Variants in SLC1A4 observed in about 807,000 individuals in gnomAD.
The protein encoded by SLC1A4 is solute carrier family 1 member 4, also known as neutral amino acid transporter A.
SLC1A4 carries 19 observed loss-of-function variants against 37.7 expected under a neutral mutation model. The ratio of observed to expected loss-of-function variants is 0.50; its 90% CI spans 0.35 to 0.74. The LOEUF is 0.74. Ranked by LOEUF, SLC1A4 falls within the 30% of genes least tolerant of loss-of-function variation. The probability of loss-of-function intolerance (pLI) is 0.01; values close to 1 mark genes in which losing one functional copy is unlikely to be tolerated. For synonymous variants in SLC1A4, 299 were observed against 309.8 expected (o/e 0.97, Z 0.37); for missense variants, 570 against 712.9 (o/e 0.80, Z 2.28).
Position 64,998,352 on chromosome 2 carries a change from G to A in SLC1A4, c.528-3096G>A, listed in dbSNP as rs183103392. ...AGGAGAATCTTTTGAACCCAGAGGCGGAGGCTGCAGTGAGCCGAGATCTGC... is the reference window on the plus strand; with the variant it reads ...AGGAGAATCTTTTGAACCCAGAGGCAGAGGCTGCAGTGAGCCGAGATCTGC... On this transcript the variant is annotated intron_variant, in intron 1 of 7. Coordinates refer to ENST00000234256, the MANE Select transcript of SLC1A4 (RefSeq NM_003038.5). Among the ~76,000 whole-genome samples the A allele has an allele frequency of 7.9e-5, 12 of 151,342 alleles. No homozygotes were observed. The South Asian group carries it at 1.3e-3, about 16-fold the overall frequency.
intron 1 of SLC1A4, among the ~76,000 whole-genome samples, chr2:64,997,770 C>CT (rs1673314025): frequency 6.6e-6 from 1 of 152,122 alleles, no homozygotes. Context: ...CATACAGTTC[C>CT]TTTTTGCAGG....
intron 2 of SLC1A4, among the ~76,000 whole-genome samples, chr2:65,001,794 T>A (rs562261240): frequency 3.9e-4 from 60 of 152,278 alleles, no homozygotes; most frequent in South Asian, 2.1e-3. Context: ...TACACTTTTT[T>A]AAAAAAATAC....
intron 7 of SLC1A4, 118 bp from the exon 8 acceptor site, chr2:65,020,794 C>T (rs950189815): frequency 1.3e-6 from 1 of 765,496 alleles, no homozygotes; most frequent in Non-Finnish European, 2.3e-6. Context: ...GAAGCATGCT[C>T]TCCAGGAAGC....
chr2:65,017,984 T>C, intron 5 of SLC1A4, 87 bp from the exon 6 acceptor site: 2 of 1,100,840 alleles, frequency 1.8e-6, no homozygotes, highest in Non-Finnish European at 2.6e-6. Context: ...TGGTGCTAAT[T>C]GCTCTGTTCT....
chr2:65,003,361 G>A (rs1673551442), intron 2 of SLC1A4, among the ~76,000 whole-genome samples: 1 of 152,142 alleles, frequency 6.6e-6, no homozygotes, highest in South Asian at 2.1e-4. Context: ...ATCAACCAGG[G>A]GACCAAAGCT....
intron 4 of SLC1A4, among the ~76,000 whole-genome samples, chr2:65,013,234 G>C (rs1031076277): frequency 6.6e-6 from 1 of 152,138 alleles, no homozygotes; most frequent in African/African-American, 2.4e-5. Context: ...TGTTTTGTTT[G>C]TTTTTGAGAC....
At chr2:64,988,548 C>A (rs1270096353), upstream of SLC1A4, 2 of 152,344 alleles carry the variant, frequency 1.3e-5, no homozygotes, top group East Asian at 3.9e-4. Flanking sequence ...AGCCCAGGAG[C>A]GCCCCGGTGC....
intron 1 of SLC1A4, among the ~76,000 whole-genome samples, chr2:64,997,434 A>C (rs1298821785): frequency 6.6e-6 from 1 of 152,214 alleles, no homozygotes; most frequent in Non-Finnish European, 1.5e-5. Flanking sequence ...CAAGATACTG[A>C]ACTTTTCCAT....
upstream of SLC1A4, among the ~76,000 whole-genome samples, chr2:64,989,211 C>T (rs1451448126): frequency 6.6e-6 from 1 of 151,798 alleles, no homozygotes; most frequent in East Asian, 1.9e-4. Context: ...CCGGCCGCCC[C>T]CTGCGGCACC....
chr2:64,990,243 A>T, intron 1 of SLC1A4, 73 bp downstream of exon 1: 1 of 1,319,226 alleles, frequency 7.6e-7, no homozygotes, highest in Non-Finnish European at 1.0e-6. Context: ...TCATACACCC[A>T]TATGCTTATA....
In SLC1A4 at chr2:65,016,506, GCTGGTGACCAGC is replaced by G; in HGVS notation, c.872_883del (p.Val291_Leu294del). ...TCGTGGAAATGAAAGACATCATCGT[GCTGGTGACCAGC>G]CTGGGGAAATACATCTTCGCATCTA... On this transcript the variant is annotated inframe_deletion, in exon 5 of 8. Transcript: ENST00000234256. 1.2e-6 allele frequency: 2 copies of G among 1,614,224 alleles called. No individual in the cohort carries two copies. Among genetic ancestry groups the G allele is most frequent in the South Asian group, 2.2e-5 (2 of 91,090 alleles).
At chr2:65,007,191 TAATA>T (rs1673708572) in intron 3 of SLC1A4, among the ~76,000 whole-genome samples, 1 of 152,160 alleles carries the variant, frequency 6.6e-6, no homozygotes, top group African/African-American at 2.4e-5. Context: ...GGGAATCATG[TAATA>T]AATAAGTATA....
intron 1 of SLC1A4, 123 bp from the exon 2 acceptor site, chr2:65,001,325 C>A: frequency 1.2e-6 from 1 of 837,422 alleles, no homozygotes; most frequent in Non-Finnish European, 2.0e-6. Context: ...TCACTTGAGC[C>A]CAAAAGTTCA....
At chr2:65,017,953 GAAGA>G in intron 5 of SLC1A4, 114 bp from the exon 6 acceptor site, 1 of 830,082 alleles carries the variant, frequency 1.2e-6, no homozygotes, top group African/African-American at 1.7e-5. Flanking sequence ...TATTTCAAGA[GAAGA>G]AAGCCAGAAA....
At chr2:65,007,817 T>C (rs1673746263) in intron 3 of SLC1A4, among the ~76,000 whole-genome samples, 1 of 152,232 alleles carries the variant, frequency 6.6e-6, no homozygotes. Context: ...TAAACATTTG[T>C]CTTTTCTTTG....
At position 65,018,588 on chromosome 2, in the gene SLC1A4, G is replaced by T. The variant is rs1169386601; in HGVS notation, c.1273G>T (p.Ala425Ser). The T allele has an allele frequency of 6.2e-7, 1 of 1,614,244 alleles. No individual in the cohort carries two copies. Among genetic ancestry groups the T allele is most frequent in the African/African-American group, 1.3e-5 (1 of 75,060 alleles). ...ASSVGAAGVP[A>S]GGVLTIAIIL... ...CAGTGTTGGAGCAGCAGGCGTGCCA[G>T]CTGGAGGGGTCCTCACCATTGCCAT... Residue 425 changes from alanine to serine, a missense_variant, in exon 7 of 8, where the codon GCT becomes TCT. By Grantham distance (99) the Ala-to-Ser change is moderately conservative. Transcript: ENST00000234256. The surrounding 1 kb of genome is among the most constrained non-coding windows in gnomAD (Gnocchi z 4.3).
chr2:65,021,530 C>G lies in SLC1A4; in HGVS notation c.*384C>G, dbSNP rs1674423381. The G allele has an allele frequency of 4.9e-6, 1 of 204,340 alleles. No individual in the cohort carries two copies. The highest frequency in any genetic ancestry group is 1.0e-4 in the South Asian group (1 of 9,564). The allele number at this position is 204,340 out of a possible 1,614,324, so 12.7% of individuals were successfully genotyped here. ...CGGTCAGCTCTGCATCAGGTGTTTT[C>G]TGAGCAAACCAAGGGGGTTTATAGT... On this transcript the variant is annotated 3_prime_UTR_variant, in exon 8 of 8. Coordinates refer to ENST00000234256, the MANE Select transcript of SLC1A4 (RefSeq NM_003038.5).
chr2:65,004,096 G>A, intron 3 of SLC1A4, 81 bp downstream of exon 3: 1 of 1,260,304 alleles, frequency 7.9e-7, no homozygotes, highest in Non-Finnish European at 1.1e-6. Flanking sequence ...TACAGGACGT[G>A]GGCTGAAAAC....
At chr2:65,006,878 T>C (rs1395638519) in intron 3 of SLC1A4, among the ~76,000 whole-genome samples, 1 of 152,186 alleles carries the variant, frequency 6.6e-6, no homozygotes, top group Non-Finnish European at 1.5e-5. Context: ...AGTTTAAGAT[T>C]ACTGTACTCT....
Sources: allele counts gnomAD v4.1 joint callset (sites outside exome capture counted in the v4.1 genomes callset), GRCh38; gene constraint gnomAD v4.1.1; non-coding constraint Gnocchi (gnomAD v3.1); transcripts MANE v1.5; gene names NCBI Gene and HGNC (gene_info 2026-07-23, HGNC 2026-07-21).